The following SYAP1 variants were observed in gnomAD, a reference collection of about 807,000 sequenced individuals.
SYAP1 encodes synapse-associated protein 1.
In SYAP1, 3 loss-of-function variants were observed where a neutral mutation model predicts 29.6. The ratio of observed to expected loss-of-function variants is 0.10; its 90% CI spans 0.05 to 0.26. The LOEUF is 0.26. SYAP1 is among the 10% of genes least tolerant of loss of function. The pLI is 1.00. For synonymous variants in SYAP1, 102 were observed against 102.7 expected (o/e 0.99, Z 0.04); for missense variants, 217 against 264.1 (o/e 0.82, Z 1.24).
intron 5 of SYAP1, among the ~76,000 whole-genome samples, chrX:16,753,957 A>T (rs1926790241): frequency 9.1e-6 from 1 of 109,646 alleles, no homozygotes; most frequent in African/African-American, 3.3e-5. Context: ...GTTCCAGGCC[A>T]CCCCCCTGTG....
intron 1 of SYAP1, among the ~76,000 whole-genome samples, chrX:16,721,271 G>A (rs757503511): frequency 5.4e-5 from 6 of 110,460 alleles, no homozygotes; most frequent in African/African-American, 9.9e-5. Context: ...TCACTCTGTC[G>A]CCCAGGCTGG....
At chrX:16,752,303 T>C (rs1211669011) in intron 5 of SYAP1, among the ~76,000 whole-genome samples, 1 of 108,235 alleles carries the variant, frequency 9.2e-6, no homozygotes, top group Non-Finnish European at 1.9e-5. Flanking sequence ...TAGTTTTGTT[T>C]TTTGTATTCA....
At position 16,724,287 on chromosome X, in the gene SYAP1, C is replaced by T. The variant is rs1476379449; in HGVS notation, c.175+4388C>T. ...GTCTTCCAGGGAAGCTCATTAGAGA[C>T]TCAGTGCCCAGGACTTTTACTGGGG... On this transcript the variant is annotated intron_variant, in intron 1 of 8. Coordinates refer to ENST00000380155, the MANE Select transcript of SYAP1 (RefSeq NM_032796.4). 2.7e-5 allele frequency among the ~76,000 whole-genome samples: 3 copies of T among 111,886 alleles called. No homozygotes were observed. The East Asian group carries it at 8.4e-4, about 31-fold the overall frequency.
intron 1 of SYAP1, among the ~76,000 whole-genome samples, chrX:16,723,642 C>G (rs909156136): frequency 2.7e-5 from 3 of 112,173 alleles, no homozygotes; most frequent in African/African-American, 9.7e-5. Flanking sequence ...AATATAGTAT[C>G]TTTGAAAAAT....
Position 16,731,381 on chromosome X carries a change from G to A in SYAP1, c.176-3846G>A, listed in dbSNP as rs181816751. Among the ~76,000 whole-genome samples, 28 of 111,649 alleles carry A rather than the reference G, an allele frequency of 2.5e-4. No individual in the cohort carries two copies. The East Asian group carries it at 7.6e-3, about 30-fold the overall frequency. On this transcript the variant is annotated intron_variant, in intron 1 of 8. Coordinates refer to ENST00000380155, the MANE Select transcript of SYAP1 (RefSeq NM_032796.4). Reference sequence around the variant, plus strand: ...CATTGAAAGTTATGAGACCACCATTGCAAAATTATAGCTGAGACAGTGAAA... The same window carrying A: ...CATTGAAAGTTATGAGACCACCATTACAAAATTATAGCTGAGACAGTGAAA...
At chrX:16,758,470 C>T (rs963477698) in intron 8 of SYAP1, among the ~76,000 whole-genome samples, 7 of 109,894 alleles carry the variant, frequency 6.4e-5, no homozygotes, top group African/African-American at 2.3e-4. Flanking sequence ...GCCTCAGCCT[C>T]CCAGGTAGCT....
intron 5 of SYAP1, among the ~76,000 whole-genome samples, chrX:16,747,988 C>T (rs1439951470): frequency 9.1e-6 from 1 of 110,396 alleles, no homozygotes; most frequent in Non-Finnish European, 1.9e-5. Context: ...GAAGCTGAGG[C>T]AGCAGAATCA....
At chrX:16,734,111 G>C (rs1259373722) in intron 1 of SYAP1, among the ~76,000 whole-genome samples, 1 of 110,608 alleles carries the variant, frequency 9.0e-6, no homozygotes, top group Non-Finnish European at 1.9e-5. Flanking sequence ...AGGCTTGGTG[G>C]CTCACGCCTG....
intron 1 of SYAP1, among the ~76,000 whole-genome samples, chrX:16,722,830 C>T (rs1257970096): frequency 8.9e-6 from 1 of 112,259 alleles, no homozygotes; most frequent in Non-Finnish European, 1.9e-5. Context: ...TCCTCCCTAC[C>T]TCCCTCAAGG....
chrX:16,748,760 C>CTT (rs146948101), intron 5 of SYAP1, among the ~76,000 whole-genome samples: 1 of 93,959 alleles, frequency 1.1e-5, no homozygotes, highest in African/African-American at 3.9e-5. Context: ...TTTTTTTTTT[C>CTT]TTTTTTTTTT....
intron 5 of SYAP1, among the ~76,000 whole-genome samples, chrX:16,751,864 C>T (rs1470298471): frequency 1.9e-5 from 2 of 105,861 alleles, no homozygotes; most frequent in African/African-American, 6.9e-5. Flanking sequence ...TTCATAGAGA[C>T]GGGGTTTCAC....
At position 16,729,555 on chromosome X, in the gene SYAP1, G is replaced by A. The variant is rs180678409; in HGVS notation, c.176-5672G>A. 2.4e-4 allele frequency among the ~76,000 whole-genome samples: 26 copies of A among 106,974 alleles called. No homozygotes were observed. The East Asian group carries it at 7.0e-3, about 29-fold the overall frequency. 92.9% of individuals were successfully genotyped at this position (106,974 alleles called of 115,157 possible). On this transcript the variant is annotated intron_variant, in intron 1 of 8. Transcript: ENST00000380155. ...GGCTGGAGTGCAGTGATGTGATCTCGGCTCACTGCAACCTCTGCCTCCTAG... is the reference window on the plus strand; with the variant it reads ...GGCTGGAGTGCAGTGATGTGATCTCAGCTCACTGCAACCTCTGCCTCCTAG...
Position 16,719,834 on chromosome X carries a change from C to T in SYAP1, c.110C>T (p.Ser37Phe). ...CAGCCGTCCGAGACGGTGGCTGAGT[C>T]TGCGGAGGAGGAGCTGCAGCAAGCG... ...PEQPSETVAESAEEELQQAGD... is the reference protein window; with the variant it reads ...PEQPSETVAEFAEEELQQAGD... The change falls in exon 1 of 9, where the codon TCT becomes TTT. Residue 37 changes from serine (S) to phenylalanine (F), a missense_variant. Physicochemically the swap from Ser to Phe is radical, Grantham distance 155 (BLOSUM62 -2). Transcript: ENST00000380155. 1 of 1,197,687 alleles carries T rather than the reference C, an allele frequency of 8.3e-7. No homozygotes were observed. Among genetic ancestry groups the T allele is most frequent in the South Asian group, 1.8e-5 (1 of 55,009 alleles).
Position 16,762,416 on chromosome X carries a change from GAAAAT to G in SYAP1, c.*2062_*2066del, listed in dbSNP as rs1220369547. The G allele has an allele frequency of 1.3e-4, 14 of 111,527 alleles. No individual in the cohort carries two copies. The highest frequency in any genetic ancestry group is 2.4e-4 in the Non-Finnish European group (13 of 53,142). The allele number at this position is 111,527 out of a possible 1,213,427, so 9.2% of individuals were successfully genotyped here. On this transcript the variant is annotated 3_prime_UTR_variant, in exon 9 of 9. Coordinates refer to ENST00000380155, the MANE Select transcript of SYAP1 (RefSeq NM_032796.4). The stretch of plus-strand genomic sequence containing the variant: ...AACAACCTAATTATGCATTGCCTGT[GAAAAT>G]AAAAGGATAAAATAAGATTTTGTAC...
At chrX:16,727,281 TAA>T (rs60144245) in intron 1 of SYAP1, among the ~76,000 whole-genome samples, 2,267 of 90,478 alleles carry the variant, frequency 0.025, 77 homozygotes, top group African/African-American at 0.087. Flanking sequence ...TTTTAAAAAT[TAA>T]AAAAAAAAAA....
intron 1 of SYAP1, among the ~76,000 whole-genome samples, chrX:16,727,252 T>A (rs1181084855): frequency 1.1e-4 from 11 of 98,935 alleles, no homozygotes; most frequent in Non-Finnish European, 2.2e-4. Flanking sequence ...TAAAATAAAA[T>A]TTTTTTATTT....
chrX:16,719,652 A>G lies in SYAP1; in HGVS notation c.-73A>G. On this transcript the variant is annotated 5_prime_UTR_variant, in exon 1 of 9. Coordinates refer to ENST00000380155, the MANE Select transcript of SYAP1 (RefSeq NM_032796.4). ...GGACATCTCCCTGGGAGTCGCGCAG[A>G]GTGGAGTCAAAGGCAACCAGTGCTC... The G allele has an allele frequency of 9.1e-7, 1 of 1,104,067 alleles. No individual in the cohort carries two copies. Among genetic ancestry groups the G allele is most frequent in the Middle Eastern group, 3.5e-4 (1 of 2,869 alleles). 91.0% of individuals were successfully genotyped at this position (1,104,067 alleles called of 1,213,427 possible).
intron 6 of SYAP1, 118 bp downstream of exon 6, chrX:16,755,211 C>T (rs1926816329): frequency 1.3e-6 from 1 of 746,723 alleles, no homozygotes; most frequent in Non-Finnish European, 1.9e-6. Context: ...TTCTTTTCTT[C>T]CCAGAGGAAA....
rs771528225 is a variant in SYAP1, at chrX:16,721,566, C to G, written c.175+1667C>G. ...CCCAGATAGAATAGTCTTGCTCTGT[C>G]GCCCAGGCTGGAGTGCAATGGCACG... On this transcript the variant is annotated intron_variant, in intron 1 of 8. Coordinates refer to ENST00000380155, the MANE Select transcript of SYAP1 (RefSeq NM_032796.4). 9.8e-5 allele frequency among the ~76,000 whole-genome samples: 11 copies of G among 111,689 alleles called. 1 individual carries two copies. The highest frequency in any genetic ancestry group is 1.7e-4 in the Non-Finnish European group (9 of 53,133).
Sources: gnomAD v4.1 joint callset for allele counts (sites outside exome capture counted in the v4.1 genomes callset) on GRCh38, gnomAD v4.1.1 for gene constraint, MANE v1.5 for transcripts, NCBI Gene and HGNC (gene_info 2026-07-23, HGNC 2026-07-21) for gene names.